Variants in TBC1D8 observed in about 807,000 individuals in gnomAD.
The protein encoded by TBC1D8 is TBC1 domain family member 8.
TBC1D8 carries 65 observed loss-of-function variants against 118.8 expected under a neutral mutation model. The ratio of observed to expected loss-of-function variants is 0.55; its 90% CI spans 0.45 to 0.67. The LOEUF is 0.67. TBC1D8 is among the 30% of genes least tolerant of loss of function. TBC1D8 has a pLI of 0.00. For synonymous variants in TBC1D8, 566 were observed against 595.8 expected, an observed-to-expected ratio of 0.95 and a Z score of 0.73; for missense variants, 1,376 against 1,471.2, an observed-to-expected ratio of 0.94 and a Z score of 1.06.
intron 5 of TBC1D8, among the ~76,000 whole-genome samples, chr2:101,045,920 G>A (rs1681673565): frequency 6.6e-6 from 1 of 152,144 alleles, no homozygotes; most frequent in Non-Finnish European, 1.5e-5. Flanking sequence ...TTGAACCCAG[G>A]ATGTGGAGGC....
intron 1 of TBC1D8, among the ~76,000 whole-genome samples, chr2:101,096,419 C>CAAAAAAAAAAAAAAA (rs55824667): frequency 2.3e-5 from 1 of 43,740 alleles, no homozygotes; most frequent in African/African-American, 7.8e-5. Flanking sequence ...TGGCTTTTGA[C>CAAAAAAAAAAAAAAA]AAAAAAAAAA....
chr2:101,030,779 C>T (rs1268848324), intron 11 of TBC1D8, among the ~76,000 whole-genome samples: 1 of 152,212 alleles, frequency 6.6e-6, no homozygotes, highest in Non-Finnish European at 1.5e-5. Flanking sequence ...GACAAGCACA[C>T]CAGTGAAATC....
rs1286910657 is a variant in TBC1D8, at chr2:101,011,633, C to CAGCA, written c.2828-97_2828-94dup. 5 of 1,292,978 alleles carry CAGCA rather than the reference C, an allele frequency of 3.9e-6. No individual in the cohort carries two copies. In the East Asian group the frequency reaches 1.2e-4, roughly 30 times the overall value. 80.1% of individuals were successfully genotyped at this position (1,292,978 alleles called of 1,614,324 possible). On this transcript the variant is annotated intron_variant, in intron 17 of 19. Transcript: ENST00000409318. ...CTTTCTAGGCAACTAAAGGCTAAGC[C>CAGCA]AGCAGCTCCCAGCCTGTGGACTGTA...
intron 1 of TBC1D8, among the ~76,000 whole-genome samples, chr2:101,115,147 T>TCATA (rs1230540978): frequency 6.6e-6 from 1 of 152,166 alleles, no homozygotes; most frequent in African/African-American, 2.4e-5. Context: ...TCTCTAAGGC[T>TCATA]ATCACACATT....
chr2:101,140,414 C>T (rs1679051610), intron 1 of TBC1D8, among the ~76,000 whole-genome samples: 1 of 152,136 alleles, frequency 6.6e-6, no homozygotes, highest in Non-Finnish European at 1.5e-5. Context: ...ATATAGCACA[C>T]TGAGAGGACA....
intron 9 of TBC1D8, among the ~76,000 whole-genome samples, chr2:101,034,708 C>T (rs572597996): frequency 6.6e-6 from 1 of 152,340 alleles, no homozygotes; most frequent in East Asian, 1.9e-4. Flanking sequence ...CAGTGACACG[C>T]CTCACAATCA....
At chr2:101,075,525 T>C (rs1047194079) in intron 2 of TBC1D8, among the ~76,000 whole-genome samples, 4 of 152,160 alleles carry the variant, frequency 2.6e-5, no homozygotes, top group Non-Finnish European at 5.9e-5. Flanking sequence ...GTGGAGGTAA[T>C]TGAATCATGA....
intron 11 of TBC1D8, among the ~76,000 whole-genome samples, chr2:101,030,407 C>T (rs568822620): frequency 6.0e-4 from 91 of 152,290 alleles, no homozygotes; most frequent in African/African-American, 2.2e-3. Context: ...GGTCAGGAAG[C>T]AAAGAGACAT....
intron 11 of TBC1D8, among the ~76,000 whole-genome samples, chr2:101,031,124 C>T (rs1030938505): frequency 6.6e-6 from 1 of 152,242 alleles, no homozygotes; most frequent in Non-Finnish European, 1.5e-5. Context: ...CACATAGCAA[C>T]AATCATCAAC....
chr2:101,101,424 T>C (rs574807071), intron 1 of TBC1D8, among the ~76,000 whole-genome samples: 4 of 152,212 alleles, frequency 2.6e-5, no homozygotes, highest in East Asian at 1.9e-4. Flanking sequence ...TGTGGAGAAA[T>C]AGGAATGCTT....
At chr2:101,045,907 C>T (rs568483358) in intron 5 of TBC1D8, among the ~76,000 whole-genome samples, 10 of 152,150 alleles carry the variant, frequency 6.6e-5, no homozygotes, top group Non-Finnish European at 1.3e-4. Context: ...GCAGGAGAAT[C>T]TCTTGAACCC....
Position 101,008,096 on chromosome 2 carries a change from C to A in TBC1D8, c.3193G>T (p.Ala1065Ser). The change falls in exon 20 of 20, where the codon GCT becomes TCT. Residue 1065 changes from alanine (A) to serine (S), a missense_variant. Ala to Ser is a moderately conservative substitution (Grantham distance 99). Coordinates refer to ENST00000409318, the MANE Select transcript of TBC1D8 (RefSeq NM_001330348.2). ...GAGTCCTCAGGAGAAGGAGCTGAAG[C>A]CCGCAGCTCCTCCCCACACTCCTGG... is the stretch of plus-strand genomic sequence containing the variant. ...CSQECGEELR[A>S]SAPSPEDSVF... is the part of the protein sequence containing the mutation. The A allele has an allele frequency of 6.2e-7, 1 of 1,613,858 alleles. No individual in the cohort carries two copies. Among genetic ancestry groups the A allele is most frequent in the African/African-American group, 1.3e-5 (1 of 75,044 alleles).
At chr2:101,061,308 T>G (rs1323016968) in intron 2 of TBC1D8, among the ~76,000 whole-genome samples, 3 of 151,436 alleles carry the variant, frequency 2.0e-5, no homozygotes, top group Non-Finnish European at 4.4e-5. Flanking sequence ...CACAAGAAGG[T>G]GCCAGGGGAC....
chr2:101,144,121 T>C (rs1297857040), intron 1 of TBC1D8, among the ~76,000 whole-genome samples: 5 of 152,246 alleles, frequency 3.3e-5, no homozygotes, highest in Non-Finnish European at 5.9e-5. Context: ...CCCCTCAAGA[T>C]TGTACTACTT....
chr2:101,139,054 T>C (rs1573106903), intron 1 of TBC1D8, among the ~76,000 whole-genome samples: 2 of 152,180 alleles, frequency 1.3e-5, no homozygotes, highest in Middle Eastern at 3.4e-3. Flanking sequence ...TTTCTTAATA[T>C]GTCACAGGTA....
chr2:101,148,793 A>G (rs1679424905), intron 1 of TBC1D8, among the ~76,000 whole-genome samples: 1 of 152,218 alleles, frequency 6.6e-6, no homozygotes, highest in South Asian at 2.1e-4. Context: ...ACAACCTGCC[A>G]GAATGTGTAT....
intron 1 of TBC1D8, among the ~76,000 whole-genome samples, chr2:101,131,241 G>A (rs1447144301): frequency 2.0e-5 from 3 of 152,132 alleles, no homozygotes; most frequent in Non-Finnish European, 2.9e-5. Flanking sequence ...GGCCGGGCAC[G>A]GTGGCTCACG....
chr2:101,132,445 T>C (rs1486344097), intron 1 of TBC1D8, among the ~76,000 whole-genome samples: 1 of 152,236 alleles, frequency 6.6e-6, no homozygotes, highest in East Asian at 1.9e-4. Context: ...GTACAGTATG[T>C]ATTCTGTGGT....
intron 17 of TBC1D8, among the ~76,000 whole-genome samples, chr2:101,020,988 G>A (rs1261013878): frequency 6.6e-6 from 1 of 152,104 alleles, no homozygotes; most frequent in African/African-American, 2.4e-5. Context: ...ATGCCCAGTG[G>A]ATAAAGGAGA....
Sources: allele counts gnomAD v4.1 joint callset (sites outside exome capture counted in the v4.1 genomes callset), GRCh38; gene constraint gnomAD v4.1.1; transcripts MANE v1.5; gene names NCBI Gene and HGNC (gene_info 2026-07-23, HGNC 2026-07-21).